Variants in PTPRM observed in about 807,000 individuals in gnomAD.
PTPRM encodes the protein receptor-type tyrosine-protein phosphatase mu.
Under a neutral mutation model 186.7 loss-of-function variants are expected in PTPRM, and 47 were observed. The observed-to-expected ratio is 0.25, with a 90% CI of 0.20 to 0.32. The LOEUF is 0.32. Among genes scored for constraint, PTPRM ranks in the 10% least tolerant of loss-of-function variants. PTPRM has a pLI of 1.00. For missense variants in PTPRM, 1,494 were observed against 1,865.0 expected (o/e 0.80, Z 3.66); for synonymous variants, 668 against 674.9 (o/e 0.99, Z 0.16).
chr18:8,218,084 A>T (rs7238177), intron 14 of PTPRM, among the ~76,000 whole-genome samples: 124,466 of 152,178 alleles, frequency 0.82, 51,065 homozygotes, highest in East Asian at 0.87. Context: ...CAGAAATTAG[A>T]TTGTGGTATT....
chr18:8,293,463 G>A (rs976360134), intron 19 of PTPRM, among the ~76,000 whole-genome samples: 1 of 152,130 alleles, frequency 6.6e-6, no homozygotes, highest in African/African-American at 2.4e-5. Flanking sequence ...TTTTCTGTAT[G>A]AGTTGAGGCT....
intron 1 of PTPRM, chr18:7,741,511 A>G (rs1211561272): frequency 3.3e-5 from 5 of 152,202 alleles, no homozygotes; most frequent in Admixed American, 3.3e-4. Context: ...ATGATTTCTA[A>G]TGAAACTTTG....
intron 14 of PTPRM, among the ~76,000 whole-genome samples, chr18:8,240,357 A>G (rs979916641): frequency 1.7e-4 from 26 of 150,746 alleles, no homozygotes; most frequent in African/African-American, 6.1e-4. Flanking sequence ...AATGGCGTGA[A>G]CTCAGGAGGC....
intron 11 of PTPRM, among the ~76,000 whole-genome samples, chr18:8,091,910 A>T (rs1332643258): frequency 2.6e-5 from 4 of 152,172 alleles, no homozygotes; most frequent in Non-Finnish European, 5.9e-5. Flanking sequence ...CAGTACAAGA[A>T]AGCTTTTCCC....
rs898724935 is a variant in PTPRM, at chr18:7,568,326, A to T, written c.73+435A>T. The stretch of plus-strand genomic sequence containing the variant: ...CCGACCCCGAGCAGCGGCCGGGCCC[A>T]GGCCGCTGGTGTTCGGCTGCGCCCG... On this transcript the variant is annotated intron_variant, in intron 1 of 32. Transcript: ENST00000580170. The surrounding 1 kb of genome is among the most constrained non-coding windows in gnomAD (Gnocchi z 5.1). 1.6e-4 allele frequency among the ~76,000 whole-genome samples: 24 copies of T among 151,710 alleles called. No individual in the cohort carries two copies.
At chr18:7,978,183 G>A (rs998845030) in intron 7 of PTPRM, among the ~76,000 whole-genome samples, 1 of 152,144 alleles carries the variant, frequency 6.6e-6, no homozygotes, top group African/African-American at 2.4e-5. Flanking sequence ...ATTTAAGGAT[G>A]GGATTGGACA....
chr18:7,620,689 G>A (rs1222726117), intron 1 of PTPRM, among the ~76,000 whole-genome samples: 7 of 152,156 alleles, frequency 4.6e-5, no homozygotes, highest in Non-Finnish European at 1.0e-4. Flanking sequence ...GCTCACAGAA[G>A]GTAAGTACTG....
At chr18:8,129,643 T>C (rs1322369343) in intron 13 of PTPRM, among the ~76,000 whole-genome samples, 1 of 152,210 alleles carries the variant, frequency 6.6e-6, no homozygotes, top group East Asian at 1.9e-4. Context: ...TTTAGATTAC[T>C]ATTATTATAA....
rs543975452 is a variant in PTPRM at position 7,616,699 on chromosome 18, G to A, written c.73+48808G>A. On this transcript the variant is annotated intron_variant, in intron 1 of 32. Coordinates refer to ENST00000580170, the MANE Select transcript of PTPRM (RefSeq NM_001105244.2). ...CCCTGGCTTGGTTTCCTGGAAGAAT[G>A]CCTTGAGAGAAGCTGCAGCCAGTTT... Among the ~76,000 whole-genome samples, 5 of 152,302 alleles carry A rather than the reference G, an allele frequency of 3.3e-5. No homozygotes were observed. In the South Asian group the frequency reaches 1.0e-3, roughly 32 times the overall value.
chr18:7,857,618 G>A (rs2047156486), intron 2 of PTPRM, among the ~76,000 whole-genome samples: 1 of 152,088 alleles, frequency 6.6e-6, no homozygotes, highest in Admixed American at 6.6e-5. Flanking sequence ...TGCCCTTCCT[G>A]CAAATGGAGC....
chr18:7,958,479 C>T (rs938047030), intron 7 of PTPRM, among the ~76,000 whole-genome samples: 1 of 152,256 alleles, frequency 6.6e-6, no homozygotes, highest in Non-Finnish European at 1.5e-5. Context: ...GAGGAAAGGG[C>T]ACCTGTGTAA....
intron 19 of PTPRM, among the ~76,000 whole-genome samples, chr18:8,272,951 G>T (rs537716436): frequency 1.3e-5 from 2 of 152,212 alleles, no homozygotes; most frequent in East Asian, 3.9e-4. Context: ...TTATCATTAA[G>T]CACTGATAGA....
At chr18:7,956,833 C>G (rs2053343461) in intron 7 of PTPRM, among the ~76,000 whole-genome samples, 1 of 152,218 alleles carries the variant, frequency 6.6e-6, no homozygotes, top group Admixed American at 6.5e-5. Flanking sequence ...ATGGATAATA[C>G]TGCCTATATC....
At chr18:8,353,955 T>G (rs2095549595) in intron 23 of PTPRM, among the ~76,000 whole-genome samples, 1 of 152,176 alleles carries the variant, frequency 6.6e-6, no homozygotes, top group Non-Finnish European at 1.5e-5. Context: ...CTCACACCTG[T>G]AATCCCAGCA....
At chr18:8,182,010 G>C (rs1378136939) in intron 14 of PTPRM, among the ~76,000 whole-genome samples, 4 of 152,118 alleles carry the variant, frequency 2.6e-5, no homozygotes. Flanking sequence ...GGAGCTAGCT[G>C]CCTTTGATGC....
intron 1 of PTPRM, among the ~76,000 whole-genome samples, chr18:7,620,092 G>A (rs1011053452): frequency 8.5e-5 from 13 of 152,150 alleles, no homozygotes; most frequent in Admixed American, 6.6e-4. Flanking sequence ...TTTTCTCTAG[G>A]AGAAAACCAC....
chr18:7,832,032 G>A (rs970284504), intron 2 of PTPRM, among the ~76,000 whole-genome samples: 3 of 152,136 alleles, frequency 2.0e-5, no homozygotes, highest in Non-Finnish European at 4.4e-5. Context: ...TTCTGTTGAT[G>A]GACACTTATG....
chr18:7,976,591 C>G (rs2054960061), intron 7 of PTPRM, among the ~76,000 whole-genome samples: 1 of 151,934 alleles, frequency 6.6e-6, no homozygotes, highest in African/African-American at 2.4e-5. Context: ...TAAAACTATT[C>G]TACAAGATAA....
chr18:8,033,887 G>T (rs2086158480), intron 7 of PTPRM, among the ~76,000 whole-genome samples: 1 of 152,182 alleles, frequency 6.6e-6, no homozygotes, highest in South Asian at 2.1e-4. Flanking sequence ...TGTTGGCAGG[G>T]CCGTGCTCCT....
Sources: gnomAD v4.1 joint callset for allele counts (sites outside exome capture counted in the v4.1 genomes callset) on GRCh38, gnomAD v4.1.1 for gene constraint, Gnocchi (gnomAD v3.1) non-coding constraint, MANE v1.5 for transcripts, NCBI Gene and HGNC (gene_info 2026-07-23, HGNC 2026-07-21) for gene names.